Variants in CPNE8 observed in about 807,000 individuals in gnomAD.
CPNE8 encodes copine-8.
In CPNE8, 45 loss-of-function variants were observed where a neutral mutation model predicts 81.5. The ratio of observed to expected loss-of-function variants is 0.55; its 90% confidence interval spans 0.44 to 0.71. The LOEUF (loss-of-function observed/expected upper bound fraction) is 0.71. Ranked by LOEUF, CPNE8 falls within the 30% of genes least tolerant of loss-of-function variation. CPNE8 has a pLI of 0.00. For missense variants in CPNE8, 594 were observed against 672.1 expected, an observed-to-expected ratio of 0.88 and a Z score of 1.28; for synonymous variants, 252 against 226.3, an observed-to-expected ratio of 1.11 and a Z score of -1.02.
chr12:38,740,045 T>A (rs143100850), intron 10 of CPNE8, among the ~76,000 whole-genome samples: 1,971 of 152,240 alleles, frequency 0.013, 29 homozygotes, highest in South Asian at 0.042. Flanking sequence ...GACTTAAATA[T>A]AAGGATATTT....
chr12:38,742,736 T>C (rs1015824445), intron 10 of CPNE8, among the ~76,000 whole-genome samples: 1 of 150,422 alleles, frequency 6.6e-6, no homozygotes, highest in African/African-American at 2.4e-5. Flanking sequence ...ATAGGAAGAA[T>C]GGCACATCAG....
chr12:38,694,809 G>A lies in CPNE8; in HGVS notation c.962-971C>T, dbSNP rs142764056. On this transcript the variant is annotated intron_variant, in intron 14 of 19. Transcript: ENST00000331366. ...AGCAGCATATGAACCTCAATTTTAC[G>A]TTAAAGCATTGTCTGAAGAAGAAAA... is the stretch of plus-strand genomic sequence containing the variant. Among the ~76,000 whole-genome samples the A allele has an allele frequency of 6.7e-3, 1,026 of 152,182 alleles. 37 individuals are homozygous for A. Among genetic ancestry groups the A allele is most frequent in the Admixed American group, 0.061 (925 of 15,276 alleles).
At chr12:38,797,135 A>C (rs879185192) in intron 6 of CPNE8, among the ~76,000 whole-genome samples, 2 of 152,186 alleles carry the variant, frequency 1.3e-5, no homozygotes, top group South Asian at 2.1e-4. Flanking sequence ...GACAAACAAA[A>C]AGACAGCAGT....
chr12:38,692,372 T>C (rs2136671238), intron 15 of CPNE8, among the ~76,000 whole-genome samples: 2 of 152,236 alleles, frequency 1.3e-5, no homozygotes, highest in South Asian at 4.1e-4. Context: ...GAGTATCCCT[T>C]AGCTGAAACC....
chr12:38,836,476 G>C (rs966724606), intron 5 of CPNE8, among the ~76,000 whole-genome samples: 4 of 151,866 alleles, frequency 2.6e-5, no homozygotes, highest in African/African-American at 9.7e-5. Flanking sequence ...AGAGTCTTAA[G>C]TACCGAACAC....
chr12:38,755,198 T>C (rs1941431580), intron 10 of CPNE8, among the ~76,000 whole-genome samples: 2 of 152,214 alleles, frequency 1.3e-5, no homozygotes, highest in African/African-American at 2.4e-5. Context: ...ATTATATAAA[T>C]ATCATTATTG....
chr12:38,692,791 C>T (rs553183049), intron 15 of CPNE8, among the ~76,000 whole-genome samples: 7 of 152,300 alleles, frequency 4.6e-5, no homozygotes, highest in African/African-American at 1.7e-4. Context: ...CTTTGATACT[C>T]TTCCCATTGA....
At chr12:38,698,172 C>T (rs1484576825) in intron 14 of CPNE8, among the ~76,000 whole-genome samples, 2 of 152,172 alleles carry the variant, frequency 1.3e-5, no homozygotes, top group African/African-American at 4.8e-5. Context: ...GGCCAAGAAT[C>T]ATTTCATGTG....
intron 5 of CPNE8, among the ~76,000 whole-genome samples, chr12:38,837,236 C>T (rs951967792): frequency 1.3e-5 from 2 of 151,312 alleles, no homozygotes; most frequent in African/African-American, 2.4e-5. Flanking sequence ...AAAAGTCAAA[C>T]GTGACACAGA....
intron 1 of CPNE8, among the ~76,000 whole-genome samples, chr12:38,878,756 T>C (rs1474799834): frequency 6.6e-6 from 1 of 152,220 alleles, no homozygotes; most frequent in African/African-American, 2.4e-5. Context: ...CAATTCTCTT[T>C]CAACTTCAAA....
intron 11 of CPNE8, among the ~76,000 whole-genome samples, chr12:38,728,980 C>T (rs1215942690): frequency 6.6e-6 from 1 of 152,110 alleles, no homozygotes; most frequent in Non-Finnish European, 1.5e-5. Context: ...GTCATCTCAT[C>T]AGATGTGGCA....
chr12:38,820,639 C>T (rs1405273855), intron 6 of CPNE8, among the ~76,000 whole-genome samples: 1 of 152,112 alleles, frequency 6.6e-6, no homozygotes, highest in African/African-American at 2.4e-5. Flanking sequence ...AACTCACCCT[C>T]CAAAATAATA....
At chr12:38,699,554 C>T (rs1939884321) in intron 14 of CPNE8, among the ~76,000 whole-genome samples, 1 of 151,920 alleles carries the variant, frequency 6.6e-6, no homozygotes, top group South Asian at 2.1e-4. Context: ...CTCTCTTTTT[C>T]CCCTACCCTT....
intron 13 of CPNE8, among the ~76,000 whole-genome samples, chr12:38,705,972 T>A (rs930505546): frequency 3.9e-5 from 6 of 152,136 alleles, no homozygotes. Flanking sequence ...AATGTGATGT[T>A]ACATGGCTTG....
At chr12:38,795,054 T>C (rs1942425206) in intron 6 of CPNE8, among the ~76,000 whole-genome samples, 1 of 152,214 alleles carries the variant, frequency 6.6e-6, no homozygotes, top group African/African-American at 2.4e-5. Context: ...TTCTTCAGCT[T>C]TTGGAATCTT....
chr12:38,844,810 T>C (rs1396374576), intron 4 of CPNE8, among the ~76,000 whole-genome samples: 1 of 152,152 alleles, frequency 6.6e-6, no homozygotes, highest in Admixed American at 6.5e-5. Flanking sequence ...TAAAACATGT[T>C]CAAAGCTTCT....
At chr12:38,839,889 T>C in intron 5 of CPNE8, 27 bp downstream of exon 5, 1 of 1,541,462 alleles carries the variant, frequency 6.5e-7, no homozygotes, top group South Asian at 1.2e-5. Flanking sequence ...ATTATAATGT[T>C]ATAAAAACAT....
At chr12:38,664,167 T>C (rs1444882845) in intron 19 of CPNE8, among the ~76,000 whole-genome samples, 1 of 152,104 alleles carries the variant, frequency 6.6e-6, no homozygotes, top group Non-Finnish European at 1.5e-5. Flanking sequence ...GTCTGAGATA[T>C]GGGTATGCTA....
intron 4 of CPNE8, among the ~76,000 whole-genome samples, chr12:38,842,300 C>T (rs1943482370): frequency 6.6e-6 from 1 of 152,060 alleles, no homozygotes; most frequent in Admixed American, 6.5e-5. Flanking sequence ...CATAGCTGTG[C>T]TAGCTCCTTC....
Sources: gnomAD v4.1 joint callset for allele counts (sites outside exome capture counted in the v4.1 genomes callset) on GRCh38, gnomAD v4.1.1 for gene constraint, MANE v1.5 for transcripts, NCBI Gene and HGNC (gene_info 2026-07-23, HGNC 2026-07-21) for gene names.